RUSC2: variants seen among roughly 807,000 people sequenced by gnomAD.
RUSC2 encodes the protein RUN and SH3 domain containing 2, also known as AP-4 complex accessory subunit RUSC2.
A neutral mutation model predicts 122.2 loss-of-function variants in RUSC2; 34 were observed. The observed-to-expected ratio is 0.28, with a 90% CI of 0.21 to 0.37. The LOEUF is 0.37. Among genes scored for constraint, RUSC2 ranks in the 10% least tolerant of loss-of-function variants. The pLI is 1.00. For synonymous variants in RUSC2, 784 were observed against 790.0 expected, an observed-to-expected ratio of 0.99 and a Z score of 0.13; for missense variants, 1,747 against 1,952.4, an observed-to-expected ratio of 0.89 and a Z score of 1.98.
intron 1 of RUSC2, among the ~76,000 whole-genome samples, chr9:35,525,456 T>A (rs1442711274): frequency 1.3e-5 from 2 of 152,028 alleles, no homozygotes; most frequent in Non-Finnish European, 2.9e-5. Flanking sequence ...GGTGTCTAAT[T>A]ACTTCTTCTA....
At chr9:35,497,055 G>A (rs1820731255) in intron 1 of RUSC2, among the ~76,000 whole-genome samples, 1 of 152,174 alleles carries the variant, frequency 6.6e-6, no homozygotes, top group Non-Finnish European at 1.5e-5. Context: ...TAATGGGCAA[G>A]TACTTGAGCA....
intron 1 of RUSC2, among the ~76,000 whole-genome samples, chr9:35,520,441 C>T (rs554424203): frequency 1.3e-5 from 2 of 152,336 alleles, no homozygotes; most frequent in Admixed American, 6.5e-5. Context: ...CCTGGCCCCA[C>T]AACTGGCTTC....
chr9:35,525,803 G>A (rs1366778061), intron 1 of RUSC2, among the ~76,000 whole-genome samples: 2 of 152,082 alleles, frequency 1.3e-5, no homozygotes, highest in African/African-American at 4.8e-5. Flanking sequence ...ATATTTTTTA[G>A]GCCAGGTGTG....
At position 35,560,842 on chromosome 9, in the gene RUSC2, C is replaced by T. The variant is rs565939061; in HGVS notation, c.4202C>T (p.Pro1401Leu). 11 of 1,534,858 alleles carry T rather than the reference C, an allele frequency of 7.2e-6. No homozygotes were observed. The African/African-American group carries it at 1.4e-4, about 19-fold the overall frequency. ...GSRKAQREARPTNRLPSDWLS... is the reference protein window; with the variant it reads ...GSRKAQREARLTNRLPSDWLS... ...CGAAAAGCCCAGCGGGAGGCCCGGCCCACAAATAGGTGAGAGCCTGCCCAT... is the reference window on the plus strand; with the variant it reads ...CGAAAAGCCCAGCGGGAGGCCCGGCTCACAAATAGGTGAGAGCCTGCCCAT... Residue 1401 changes from proline to leucine, a missense_variant, in exon 10 of 12, where the codon CCC (proline) becomes CTC (leucine). Coordinates refer to ENST00000361226, the MANE Select transcript of RUSC2 (RefSeq NM_014806.5).
chr9:35,498,952 A>G (rs180836300), intron 1 of RUSC2, among the ~76,000 whole-genome samples: 14 of 152,208 alleles, frequency 9.2e-5, no homozygotes, highest in African/African-American at 3.1e-4. Flanking sequence ...CTTAATAGAC[A>G]CTGAAAACAA....
At chr9:35,518,380 C>T (rs1821149308) in intron 1 of RUSC2, among the ~76,000 whole-genome samples, 1 of 152,198 alleles carries the variant, frequency 6.6e-6, no homozygotes, top group Non-Finnish European at 1.5e-5. Flanking sequence ...TGTCATTCCA[C>T]AGCAGTCTGC....
intron 1 of RUSC2, among the ~76,000 whole-genome samples, chr9:35,495,691 A>G (rs1820697150): frequency 6.6e-6 from 1 of 152,140 alleles, no homozygotes; most frequent in Non-Finnish European, 1.5e-5. Context: ...GATGGATTTT[A>G]CTATTTATGC....
intron 2 of RUSC2, among the ~76,000 whole-genome samples, chr9:35,552,276 G>A (rs1471468111): frequency 1.3e-5 from 2 of 152,302 alleles, no homozygotes; most frequent in African/African-American, 2.4e-5. Flanking sequence ...CACAATAATC[G>A]CTTGAACCTG....
intron 1 of RUSC2, among the ~76,000 whole-genome samples, chr9:35,541,019 A>G (rs1821632611): frequency 6.6e-6 from 1 of 152,216 alleles, no homozygotes; most frequent in East Asian, 1.9e-4. Flanking sequence ...TAAGTGTTTA[A>G]TAAATGATCA....
intron 2 of RUSC2, among the ~76,000 whole-genome samples, chr9:35,554,782 T>G (rs529048152): frequency 8.5e-4 from 129 of 151,020 alleles, no homozygotes; most frequent in Non-Finnish European, 3.0e-4. Flanking sequence ...TAAGGTGAGA[T>G]GCAAGAGTTG....
chr9:35,513,798 G>T (rs1315172023), intron 1 of RUSC2, among the ~76,000 whole-genome samples: 3 of 149,636 alleles, frequency 2.0e-5, no homozygotes, highest in African/African-American at 7.3e-5. Flanking sequence ...GATCACTTGA[G>T]CCCAGGAGTT....
intron 1 of RUSC2, among the ~76,000 whole-genome samples, chr9:35,492,395 G>A (rs1373149002): frequency 1.3e-5 from 2 of 151,896 alleles, no homozygotes; most frequent in African/African-American, 4.8e-5. Flanking sequence ...CTGAAGAGAT[G>A]GTTCACTTCA....
chr9:35,548,429 A>G lies in RUSC2; in HGVS notation c.1908A>G (p.Arg636=), dbSNP rs1821818365. 1.2e-6 allele frequency: 2 copies of G among 1,613,836 alleles called. No individual in the cohort carries two copies. Among genetic ancestry groups the G allele is most frequent in the Admixed American group, 3.3e-5 (2 of 60,010 alleles). Residue 636 remains arginine, a synonymous_variant, in exon 2 of 12, where the codon AGA becomes AGG. Transcript: ENST00000361226. The surrounding 1 kb of genome is among the most constrained non-coding windows in gnomAD (Gnocchi z 4.5). ...HSSEMPPAGL[R]ATGQGPLAQL... is the part of the protein sequence containing the mutation. ...GTGAGATGCCTCCTGCTGGCCTCAG[A>G]GCTACTGGGCAAGGCCCCCTGGCTC... is the stretch of plus-strand genomic sequence containing the variant.
In RUSC2 at chr9:35,558,671, T is replaced by C. The variant is rs1393630847; in HGVS notation, c.3341+104T>C. 3 of 995,304 alleles carry C rather than the reference T, an allele frequency of 3.0e-6. No homozygotes were observed. Among genetic ancestry groups the C allele is most frequent in the Non-Finnish European group, 4.7e-6 (3 of 633,812 alleles). The allele number at this position is 995,304 out of a possible 1,614,324, so 61.7% of individuals were successfully genotyped here. A position where few individuals can be genotyped will look rare whatever the true frequency, so the allele number is the denominator to read the frequency against. ...CAACGCCCTGGACAGACAGAAAGGG[T>C]GGATCTGGAGGGTCCCCTCAGCCCG... On this transcript the variant is annotated intron_variant, in intron 8 of 11. Transcript: ENST00000361226. The surrounding 1 kb of genome is among the most constrained non-coding windows in gnomAD (Gnocchi z 4.3).
At chr9:35,542,492 A>AC (rs1821660433) in intron 1 of RUSC2, among the ~76,000 whole-genome samples, 1 of 152,268 alleles carries the variant, frequency 6.6e-6, no homozygotes, top group African/African-American at 2.4e-5. Flanking sequence ...GAAAACAGGG[A>AC]CAAGCCACAG....
rs1214188615 is a variant in RUSC2 at position 35,546,142 on chromosome 9, A to G, written c.-92-288A>G. On this transcript the variant is annotated intron_variant, in intron 1 of 11. Coordinates refer to ENST00000361226, the MANE Select transcript of RUSC2 (RefSeq NM_014806.5). This position sits in a 1 kb window ranked among gnomAD's most constrained non-coding sequence, Gnocchi z 4.3. ...GAGGGTCCTTGAAAGAGAAAGGGAA[A>G]GTACTGCCCAAACCTTCATATGTGG... Among the ~76,000 whole-genome samples, 2 of 152,158 alleles carry G rather than the reference A, an allele frequency of 1.3e-5. No homozygotes were observed. Among genetic ancestry groups the G allele is most frequent in the Non-Finnish European group, 2.9e-5 (2 of 68,030 alleles).
chr9:35,507,298 T>C (rs1163610161), intron 1 of RUSC2, among the ~76,000 whole-genome samples: 1 of 152,220 alleles, frequency 6.6e-6, no homozygotes, highest in East Asian at 1.9e-4. Context: ...GCCACATAGA[T>C]TTTATGATTT....
intron 1 of RUSC2, among the ~76,000 whole-genome samples, chr9:35,525,510 G>C (rs1821307161): frequency 6.6e-6 from 1 of 151,156 alleles, no homozygotes; most frequent in Non-Finnish European, 1.5e-5. Context: ...CCTTTAAAAA[G>C]AATTTTTGGT....
intron 1 of RUSC2, among the ~76,000 whole-genome samples, chr9:35,501,325 C>T (rs1820813856): frequency 6.6e-6 from 1 of 152,132 alleles, no homozygotes; most frequent in Admixed American, 6.5e-5. Flanking sequence ...ACCTGGAATC[C>T]CAGCACTTTG....
Sources: gnomAD v4.1 joint callset for allele counts (sites outside exome capture counted in the v4.1 genomes callset) on GRCh38, gnomAD v4.1.1 for gene constraint, Gnocchi (gnomAD v3.1) non-coding constraint, MANE v1.5 for transcripts, NCBI Gene and HGNC (gene_info 2026-07-23, HGNC 2026-07-21) for gene names.